The following SMAP1 variants were observed in gnomAD, a reference collection of about 807,000 sequenced individuals.
The protein encoded by SMAP1 is small ArfGAP 1.
Under a neutral mutation model 58.5 loss-of-function variants are expected in SMAP1, and 24 were observed. The ratio of observed to expected loss-of-function variants is 0.41; its 90% CI spans 0.30 to 0.58. The LOEUF (loss-of-function observed/expected upper bound fraction) is 0.58, where lower values mean the gene tolerates loss of function less well. Ranked by LOEUF, SMAP1 falls within the 20% of genes least tolerant of loss-of-function variation. The pLI is 0.29. For missense variants in SMAP1, 563 were observed against 566.3 expected (o/e 0.99, Z 0.06); for synonymous variants, 216 against 196.6 (o/e 1.10, Z -0.82).
At chr6:70,811,817 G>A (rs994973192) in intron 6 of SMAP1, among the ~76,000 whole-genome samples, 3 of 152,094 alleles carry the variant, frequency 2.0e-5, no homozygotes, top group Non-Finnish European at 4.4e-5. Context: ...GAAATGGAGG[G>A]CCAACTGTAT....
intron 5 of SMAP1, 51 bp downstream of exon 5, chr6:70,791,820 A>G (rs569274930): frequency 3.0e-5 from 44 of 1,490,780 alleles, no homozygotes; most frequent in Middle Eastern, 3.4e-4. Context: ...ATGGTAAATT[A>G]ACTTCCTTTT....
Position 70,858,073 on chromosome 6 carries a change from C to T in SMAP1, c.1113C>T (p.Pro371=), listed in dbSNP as rs1164703297. 1.2e-6 allele frequency: 2 copies of T among 1,614,040 alleles called. No individual in the cohort carries two copies. Among genetic ancestry groups the T allele is most frequent in the South Asian group, 1.1e-5 (1 of 91,078 alleles). Residue 371 remains proline (P), a synonymous_variant, in exon 10 of 11, where the codon CCC becomes CCT. Coordinates refer to ENST00000370455, the MANE Select transcript of SMAP1 (RefSeq NM_001044305.3). ...GTCCAAGCATGATGGTGGGCATGCC[C>T]ATGCCCAATGGGTTTATGGGAAATG... ...GQSPSMMVGM[P]MPNGFMGNAQ...
intron 3 of SMAP1, among the ~76,000 whole-genome samples, chr6:70,757,142 A>G (rs948317218): frequency 6.6e-6 from 1 of 151,950 alleles, no homozygotes; most frequent in Non-Finnish European, 1.5e-5. Flanking sequence ...CAGTAACCAA[A>G]ACAGCATGGT....
intron 3 of SMAP1, 28 bp downstream of exon 3, chr6:70,755,093 GT>G: frequency 6.5e-7 from 1 of 1,539,140 alleles, no homozygotes; most frequent in South Asian, 1.2e-5. Flanking sequence ...TTTGTTTTGA[GT>G]TTAAAAAACA....
chr6:70,701,723 C>A (rs1582026926), intron 1 of SMAP1, among the ~76,000 whole-genome samples: 2 of 152,204 alleles, frequency 1.3e-5, no homozygotes, highest in Non-Finnish European at 2.9e-5. Context: ...CATACAGCTG[C>A]TGTCCAGGGG....
intron 1 of SMAP1, among the ~76,000 whole-genome samples, chr6:70,684,051 C>A (rs1766832093): frequency 6.6e-6 from 1 of 152,176 alleles, no homozygotes; most frequent in Non-Finnish European, 1.5e-5. Flanking sequence ...CTTAACCAAA[C>A]CGTTATCTAT....
chr6:70,801,411 T>C (rs973143241), intron 6 of SMAP1, among the ~76,000 whole-genome samples: 1 of 152,212 alleles, frequency 6.6e-6, no homozygotes, highest in Non-Finnish European at 1.5e-5. Context: ...ATTCTGGATA[T>C]TAGCCCTTTG....
At chr6:70,806,085 C>T (rs1769115941) in intron 6 of SMAP1, among the ~76,000 whole-genome samples, 1 of 152,210 alleles carries the variant, frequency 6.6e-6, no homozygotes, top group African/African-American at 2.4e-5. Flanking sequence ...TTTCTGCTGC[C>T]TTTTGTTTAG....
At chr6:70,822,086 T>A (rs1010628512) in intron 6 of SMAP1, among the ~76,000 whole-genome samples, 1 of 152,174 alleles carries the variant, frequency 6.6e-6, no homozygotes, top group Non-Finnish European at 1.5e-5. Flanking sequence ...CTTAGTAAAT[T>A]AGAAATTTCC....
intron 1 of SMAP1, among the ~76,000 whole-genome samples, chr6:70,712,944 A>G (rs1768118234): frequency 6.6e-6 from 1 of 151,588 alleles, no homozygotes; most frequent in African/African-American, 2.4e-5. Flanking sequence ...GGCATGTGCC[A>G]CCACACCTGG....
chr6:70,744,179 T>A (rs1039217183), intron 2 of SMAP1, among the ~76,000 whole-genome samples: 2 of 152,148 alleles, frequency 1.3e-5, no homozygotes, highest in East Asian at 1.9e-4. Context: ...AATTCTTTTT[T>A]TTTTTTTGTT....
intron 8 of SMAP1, 104 bp from the exon 9 acceptor site, chr6:70,856,755 G>A: frequency 8.2e-7 from 1 of 1,212,574 alleles, no homozygotes; most frequent in Non-Finnish European, 1.1e-6. Flanking sequence ...TTCTACAATT[G>A]TTTGATTCCT....
chr6:70,855,050 T>TATA (rs1554210637), intron 8 of SMAP1, among the ~76,000 whole-genome samples: 16 of 124,378 alleles, frequency 1.3e-4, no homozygotes, highest in Admixed American at 9.4e-4. Flanking sequence ...TCCTGTTCTT[T>TATA]CATATACATA....
intron 1 of SMAP1, among the ~76,000 whole-genome samples, chr6:70,678,927 T>G (rs1463770724): frequency 6.6e-6 from 1 of 152,204 alleles, no homozygotes; most frequent in East Asian, 1.9e-4. Flanking sequence ...TTCACAGAGA[T>G]TCCAAGGATA....
chr6:70,731,000 A>T (rs990477241), intron 1 of SMAP1, among the ~76,000 whole-genome samples: 1 of 152,138 alleles, frequency 6.6e-6, no homozygotes, highest in Non-Finnish European at 1.5e-5. Context: ...GGATTTCACC[A>T]GGTTGGCCAG....
chr6:70,723,477 C>G (rs1768621768), intron 1 of SMAP1, among the ~76,000 whole-genome samples: 1 of 152,080 alleles, frequency 6.6e-6, no homozygotes. Context: ...GGTTTGTTCC[C>G]CTAACTCCTT....
intron 1 of SMAP1, among the ~76,000 whole-genome samples, chr6:70,702,855 A>T (rs1204132880): frequency 2.0e-5 from 3 of 151,862 alleles, no homozygotes; most frequent in Non-Finnish European, 4.4e-5. Context: ...TGGTCTCGAA[A>T]TCCTGAGTGC....
At chr6:70,821,725 TTG>T (rs1769899534) in intron 6 of SMAP1, among the ~76,000 whole-genome samples, 3 of 152,182 alleles carry the variant, frequency 2.0e-5, no homozygotes, top group African/African-American at 7.2e-5. Flanking sequence ...TAACTTTATT[TTG>T]TTAGTTAAAT....
intron 6 of SMAP1, among the ~76,000 whole-genome samples, chr6:70,817,786 A>G (rs1217473008): frequency 6.6e-6 from 1 of 152,188 alleles, no homozygotes. Context: ...GTAGAAGCCA[A>G]TCAAAATCTG....
Sources: gnomAD v4.1 joint callset for allele counts (sites outside exome capture counted in the v4.1 genomes callset) on GRCh38, gnomAD v4.1.1 for gene constraint, MANE v1.5 for transcripts, NCBI Gene and HGNC (gene_info 2026-07-23, HGNC 2026-07-21) for gene names.